Variants in SLC17A1 observed in about 807,000 individuals in gnomAD.
SLC17A1 encodes sodium-dependent phosphate transport protein 1.
Under a neutral mutation model 53.5 loss-of-function variants are expected in SLC17A1, and 51 were observed. That is an observed-to-expected ratio of 0.95 (90% confidence interval 0.76 to 1.20). SLC17A1 has a LOEUF of 1.20. SLC17A1 is among the 50% of genes most tolerant of loss of function. The probability of loss-of-function intolerance (pLI) is 0.00; values close to 1 mark genes in which losing one functional copy is unlikely to be tolerated. For synonymous variants in SLC17A1, 179 were observed against 198.8 expected (o/e 0.90, Z 0.84); for missense variants, 538 against 568.2 (o/e 0.95, Z 0.54).
chr6:25,801,018 A>G lies in SLC17A1; in HGVS notation c.1179-38T>C, dbSNP rs545607257. The stretch of plus-strand genomic sequence containing the variant: ...GAGTAATACACAAATGTAAAGTAGT[A>G]CAAATACTGCAGGAAATGCAAACCT... On this transcript the variant is annotated intron_variant, in intron 10 of 12. Coordinates refer to ENST00000244527, the MANE Select transcript of SLC17A1 (RefSeq NM_005074.5). 669 of 1,099,610 alleles carry G rather than the reference A, an allele frequency of 6.1e-4. 12 individuals are homozygous for G. The South Asian group carries it at 7.9e-3, about 13-fold the overall frequency. 68.1% of individuals were successfully genotyped at this position (1,099,610 alleles called of 1,614,324 possible). A position where few individuals can be genotyped will look rare whatever the true frequency, so the allele number is the denominator to read the frequency against.
chr6:25,831,872 TC>T (rs1295177470), intron 1 of SLC17A1, 121 bp downstream of exon 1: 2 of 152,110 alleles, frequency 1.3e-5, no homozygotes, highest in African/African-American at 4.8e-5. Flanking sequence ...ATTCCACCCC[TC>T]CCCACATTTT....
intron 2 of SLC17A1, among the ~76,000 whole-genome samples, chr6:25,829,770 AAAAG>A (rs1261438049): frequency 6.6e-6 from 1 of 152,194 alleles, no homozygotes; most frequent in Non-Finnish European, 1.5e-5. Context: ...TATTTATCAA[AAAAG>A]AAAGAATTTA....
the SLC17A1 span, chr6:25,776,596 G>A: frequency 1.9e-6 from 3 of 1,601,208 alleles, no homozygotes; most frequent in African/African-American, 2.7e-5. Context: ...GGTCCTCAGA[G>A]TGGGATCCTG....
chr6:25,815,989 C>A (rs1764341620), intron 6 of SLC17A1, among the ~76,000 whole-genome samples: 2 of 151,858 alleles, frequency 1.3e-5, no homozygotes, highest in Non-Finnish European at 2.9e-5. Flanking sequence ...TGTGTCCCTT[C>A]CCCAAGCTAG....
At chr6:25,806,364 A>G (rs1318493298) in intron 10 of SLC17A1, among the ~76,000 whole-genome samples, 1 of 152,104 alleles carries the variant, frequency 6.6e-6, no homozygotes, top group Non-Finnish European at 1.5e-5. Context: ...AATTAAGCAT[A>G]GAAGGGACTT....
chr6:25,725,018 A>ATT, the SLC17A1 span, among the ~76,000 whole-genome samples: 4,912 of 141,990 alleles, frequency 0.035, 143 homozygotes, highest in African/African-American at 0.07. Context: ...TAACCAAATG[A>ATT]TTTTTTTTTT....
At chr6:25,734,417 A>G in the SLC17A1 span, among the ~76,000 whole-genome samples, 1,854 of 152,296 alleles carry the variant, frequency 0.012, 25 homozygotes, top group African/African-American at 0.033. Context: ...GTTACCAATG[A>G]GCTAACATCC....
the SLC17A1 span, among the ~76,000 whole-genome samples, chr6:25,750,926 G>A: frequency 6.6e-6 from 1 of 152,184 alleles, no homozygotes; most frequent in Admixed American, 6.5e-5. Context: ...ATGGAGCCAA[G>A]ACCTGTGAAA....
At chr6:25,787,731 G>A (rs78822831) in intron 12 of SLC17A1, among the ~76,000 whole-genome samples, 3,924 of 152,248 alleles carry the variant, frequency 0.026, 60 homozygotes, top group Middle Eastern at 0.078. Flanking sequence ...AAACTACTGT[G>A]TCAGTTGGTC....
the SLC17A1 span, among the ~76,000 whole-genome samples, chr6:25,751,699 T>G: frequency 1.3e-4 from 20 of 152,214 alleles, no homozygotes; most frequent in African/African-American, 4.8e-4. Flanking sequence ...CTGAGATTTT[T>G]GGGTCATTTG....
the SLC17A1 span, chr6:25,770,434 A>G: frequency 6.2e-7 from 1 of 1,614,116 alleles, no homozygotes; most frequent in Non-Finnish European, 8.5e-7. Context: ...GGGCTCCCCC[A>G]CTGGAAAGGA....
At chr6:25,778,962 A>T, downstream of SLC17A1, 1 of 1,514,198 alleles carries the variant, frequency 6.6e-7, no homozygotes. Context: ...GAGGTCGGGG[A>T]GGGAGCAGGA....
At chr6:25,804,838 T>G (rs559059963) in intron 10 of SLC17A1, among the ~76,000 whole-genome samples, 14 of 152,210 alleles carry the variant, frequency 9.2e-5, no homozygotes, top group Admixed American at 5.2e-4. Context: ...GATATTACAA[T>G]ACTAAATTTA....
chr6:25,740,462 A>C, the SLC17A1 span, among the ~76,000 whole-genome samples: 1 of 152,190 alleles, frequency 6.6e-6, no homozygotes, highest in Non-Finnish European at 1.5e-5. Context: ...AACAGTTATT[A>C]GACTGAACTT....
At chr6:25,732,615 G>A in the SLC17A1 span, 4 of 1,105,840 alleles carry the variant, frequency 3.6e-6, no homozygotes, top group African/African-American at 1.6e-5. Context: ...CCTGGCCTCC[G>A]ACACCCTGGA....
chr6:25,795,747 ACCC>A, intron 12 of SLC17A1, among the ~76,000 whole-genome samples: 1 of 21,014 alleles, frequency 4.8e-5, no homozygotes, highest in African/African-American at 1.3e-3. Context: ...ATAAGCACAC[ACCC>A]ACACCCACAC....
the SLC17A1 span, among the ~76,000 whole-genome samples, chr6:25,733,836 G>GTGTGTGTGTGTGTGTA: frequency 6.8e-6 from 1 of 146,048 alleles, no homozygotes; most frequent in African/African-American, 2.6e-5. Context: ...GTGTGTGTGT[G>GTGTGTGTGTGTGTGTA]TATGACAGAG....
intron 6 of SLC17A1, among the ~76,000 whole-genome samples, chr6:25,816,427 A>T (rs1423964652): frequency 1.3e-5 from 2 of 152,254 alleles, no homozygotes; most frequent in Non-Finnish European, 2.9e-5. Context: ...CTATTTAAGC[A>T]AGACATTCCA....
At chr6:25,723,905 A>G in the SLC17A1 span, among the ~76,000 whole-genome samples, 1 of 152,184 alleles carries the variant, frequency 6.6e-6, no homozygotes, top group Non-Finnish European at 1.5e-5. Flanking sequence ...AAATTATATG[A>G]TTTTTCTGCC....
Sources: allele counts gnomAD v4.1 joint callset (sites outside exome capture counted in the v4.1 genomes callset), GRCh38; gene constraint gnomAD v4.1.1; transcripts MANE v1.5; gene names NCBI Gene and HGNC (gene_info 2026-07-23, HGNC 2026-07-21).